ATP8B1: variants seen among roughly 807,000 people sequenced by gnomAD.
The protein encoded by ATP8B1 is ATPase phospholipid transporting 8B1.
ATP8B1 carries 80 observed loss-of-function variants against 149.9 expected under a neutral mutation model. That is an observed-to-expected ratio of 0.53 (90% confidence interval 0.45 to 0.64). The LOEUF (loss-of-function observed/expected upper bound fraction) is 0.64, where lower values mean the gene tolerates loss of function less well. Among genes scored for constraint, ATP8B1 ranks in the 30% least tolerant of loss-of-function variants. ATP8B1 has a pLI of 0.00. For synonymous variants in ATP8B1, 536 were observed against 562.8 expected (o/e 0.95, Z 0.67); for missense variants, 1,247 against 1,552.6 (o/e 0.80, Z 3.31).
At chr18:57,656,164 T>A (rs907670025) in intron 22 of ATP8B1, among the ~76,000 whole-genome samples, 2 of 152,102 alleles carry the variant, frequency 1.3e-5, no homozygotes, top group Non-Finnish European at 2.9e-5. Flanking sequence ...CCTGCTTCTG[T>A]AGACCATCCA....
intron 20 of ATP8B1, among the ~76,000 whole-genome samples, chr18:57,665,406 T>A (rs1239202336): frequency 6.6e-6 from 1 of 152,114 alleles, no homozygotes; most frequent in African/African-American, 2.4e-5. Context: ...TCGGGACCAA[T>A]TTTTAAGACT....
chr18:57,653,945 G>A (rs753055594), intron 24 of ATP8B1, 47 bp downstream of exon 24: 24 of 1,513,416 alleles, frequency 1.6e-5, no homozygotes, highest in Admixed American at 1.0e-4. Context: ...CTTCTCTAAC[G>A]CATTCTCATC....
intron 15 of ATP8B1, 84 bp downstream of exon 15, chr18:57,683,952 G>T: frequency 2.0e-6 from 3 of 1,501,394 alleles, no homozygotes; most frequent in Non-Finnish European, 2.8e-6. Context: ...TGTACTACTT[G>T]ACATGCATTT....
intron 11 of ATP8B1, among the ~76,000 whole-genome samples, chr18:57,692,618 T>TCTCTACTA (rs1555692344): frequency 6.6e-6 from 1 of 151,854 alleles, no homozygotes; most frequent in Non-Finnish European, 1.5e-5. Context: ...GTCTTTTTAG[T>TCTCTACTA]AGAGACGAGT....
chr18:57,694,711 A>G (rs1214741470), intron 10 of ATP8B1, 41 bp from the exon 11 acceptor site: 2 of 1,284,128 alleles, frequency 1.6e-6, no homozygotes, highest in South Asian at 1.2e-5. Flanking sequence ...GTTGGGAAAA[A>G]TCAATTCACT....
intron 22 of ATP8B1, among the ~76,000 whole-genome samples, chr18:57,657,805 C>T (rs1910104693): frequency 6.6e-6 from 1 of 152,156 alleles, no homozygotes; most frequent in African/African-American, 2.4e-5. Flanking sequence ...GGTATCCAGT[C>T]CTCAACCTTC....
In ATP8B1 at chr18:57,650,498, C is replaced by A. The variant is rs1324601963; in HGVS notation, c.3401-1G>T. 1.2e-6 allele frequency: 2 copies of A among 1,612,890 alleles called. No individual in the cohort carries two copies. The highest frequency in any genetic ancestry group is 1.3e-5 in the African/African-American group (1 of 74,886). The stretch of plus-strand genomic sequence containing the variant: ...TGTCTCAGAGCGTTTGAAGCTGTGC[C>A]TGTAAAGAACATGGCAAATGCATCA... On this transcript the variant is annotated splice_acceptor_variant, in intron 26 of 27. Coordinates refer to ENST00000648908, the MANE Select transcript of ATP8B1 (RefSeq NM_001374385.1). LOFTEE classifies it high-confidence loss of function.
intron 22 of ATP8B1, among the ~76,000 whole-genome samples, chr18:57,660,941 C>A (rs991485587): frequency 4.6e-5 from 7 of 152,154 alleles, no homozygotes; most frequent in African/African-American, 1.7e-4. Flanking sequence ...ACCTTATTTT[C>A]CTCTTCGCAT....
At chr18:57,648,882 G>GTGTGTGTATGTGTA (rs61181992) in intron 27 of ATP8B1, among the ~76,000 whole-genome samples, 170 bp from the exon 28 acceptor site, 2 of 134,738 alleles carry the variant, frequency 1.5e-5, no homozygotes, top group South Asian at 2.4e-4. Context: ...GTGTGTGTGT[G>GTGTGTGTATGTGTA]TGTGTATGTG....
intron 1 of ATP8B1, among the ~76,000 whole-genome samples, chr18:57,746,296 T>A (rs902866067): frequency 6.6e-6 from 1 of 152,128 alleles, no homozygotes; most frequent in African/African-American, 2.4e-5. Flanking sequence ...AGGAAGGGCT[T>A]ATCCTCATTT....
chr18:57,777,177 T>A (rs368004932), intron 1 of ATP8B1, among the ~76,000 whole-genome samples: 1 of 152,094 alleles, frequency 6.6e-6, no homozygotes, highest in African/African-American at 2.4e-5. Flanking sequence ...GGGATTTCGC[T>A]ATGTTTCCCA....
intron 19 of ATP8B1, chr18:57,667,473 T>C (rs1910945850): frequency 3.0e-6 from 1 of 335,566 alleles, no homozygotes; most frequent in Non-Finnish European, 5.7e-6. Context: ...TAATTGATTT[T>C]ACCTAGTAAT....
intron 1 of ATP8B1, among the ~76,000 whole-genome samples, chr18:57,732,275 A>G (rs2079788487): frequency 3.5e-5 from 1 of 28,456 alleles, no homozygotes; most frequent in Non-Finnish European, 7.4e-5. Context: ...ATATATGTAT[A>G]TATGTGTATA....
intron 2 of ATP8B1, among the ~76,000 whole-genome samples, chr18:57,719,792 A>G (rs1272433666): frequency 6.6e-6 from 1 of 152,188 alleles, no homozygotes; most frequent in African/African-American, 2.4e-5. Flanking sequence ...TGTAGGCTCC[A>G]CCTCTGGGGG....
At chr18:57,757,595 C>G (rs1483772308) in intron 1 of ATP8B1, among the ~76,000 whole-genome samples, 1 of 152,154 alleles carries the variant, frequency 6.6e-6, no homozygotes, top group Non-Finnish European at 1.5e-5. Context: ...TCAGTTCATA[C>G]CTATTCTTCT....
chr18:57,744,896 T>G (rs1479412361), intron 1 of ATP8B1, among the ~76,000 whole-genome samples: 1 of 152,188 alleles, frequency 6.6e-6, no homozygotes, highest in Non-Finnish European at 1.5e-5. Flanking sequence ...ACAACTTATA[T>G]TCCCCATCCA....
chr18:57,755,534 T>C (rs1191960907), intron 1 of ATP8B1: 1 of 152,180 alleles, frequency 6.6e-6, no homozygotes, highest in Non-Finnish European at 1.5e-5. Context: ...CTTGATAAAA[T>C]GTCCTGCGGA....
At chr18:57,773,133 C>T (rs2080277262) in intron 1 of ATP8B1, among the ~76,000 whole-genome samples, 1 of 143,456 alleles carries the variant, frequency 7.0e-6, no homozygotes, top group South Asian at 2.2e-4. Flanking sequence ...ACACAGGAGG[C>T]AGAGGACGCA....
chr18:57,692,608 G>A (rs60472121), intron 11 of ATP8B1, among the ~76,000 whole-genome samples: 5,034 of 151,728 alleles, frequency 0.033, 302 homozygotes, highest in African/African-American at 0.12. Context: ...GCTAATTTTT[G>A]TCTTTTTAGT....
Sources: gnomAD v4.1 joint callset for allele counts (sites outside exome capture counted in the v4.1 genomes callset) on GRCh38, gnomAD v4.1.1 for gene constraint, MANE v1.5 for transcripts, NCBI Gene and HGNC (gene_info 2026-07-23, HGNC 2026-07-21) for gene names.